MAST2: variants seen among roughly 807,000 people sequenced by gnomAD.
The protein encoded by MAST2 is microtubule-associated serine/threonine-protein kinase 2.
Under a neutral mutation model 147.4 loss-of-function variants are expected in MAST2, and 70 were observed. The observed-to-expected ratio is 0.47, with a 90% CI of 0.39 to 0.58. MAST2 has a LOEUF of 0.58. Among genes scored for constraint, MAST2 ranks in the 20% least tolerant of loss-of-function variants. The pLI, the probability that MAST2 is intolerant of heterozygous loss-of-function variation, is 0.00. For missense variants in MAST2, 2,080 were observed against 2,302.3 expected (o/e 0.90, Z 1.98); for synonymous variants, 869 against 896.8 (o/e 0.97, Z 0.55).
At chr1:45,981,657 G>C (rs11211237) in intron 5 of MAST2, among the ~76,000 whole-genome samples, 51,547 of 151,886 alleles carry the variant, frequency 0.34, 9,131 homozygotes, top group African/African-American at 0.43. Flanking sequence ...AGTTAGTTTT[G>C]GCCTAAGCTC....
At chr1:45,984,780 G>T (rs1441774783) in intron 5 of MAST2, among the ~76,000 whole-genome samples, 1 of 152,074 alleles carries the variant, frequency 6.6e-6, no homozygotes, top group Non-Finnish European at 1.5e-5. Context: ...TTGAGCCCAG[G>T]AGTTCAAGAC....
In MAST2 at chr1:46,031,202, G is replaced by C. The variant is rs1438613831; in HGVS notation, c.2904G>C (p.Gly968=). Residue 968 remains glycine, a synonymous_variant, in exon 23 of 29, where the codon GGG becomes GGC. Transcript: ENST00000361297. The surrounding 1 kb of genome is among the most constrained non-coding windows in gnomAD (Gnocchi z 4.1). The part of the protein sequence containing the change: ...IWVLTPPSGE[G]VSGPVTEHSG... ...TCCTGACACCCCCATCTGGAGAGGG[G>C]GTATCTGGGCCTGTCACTGAACACT... 5 of 1,565,758 alleles carry C rather than the reference G, an allele frequency of 3.2e-6. No individual in the cohort carries two copies. The highest frequency in any genetic ancestry group is 1.8e-5 in the Admixed American group (1 of 54,148).
chr1:46,006,600 GAAA>G, intron 8 of MAST2: 1 of 322,418 alleles, frequency 3.1e-6, no homozygotes, highest in East Asian at 5.1e-5. Flanking sequence ...ATTTACAAAA[GAAA>G]AAAAAAAAGT....
chr1:45,820,318 C>A (rs755234191), intron 1 of MAST2, among the ~76,000 whole-genome samples: 1 of 152,080 alleles, frequency 6.6e-6, no homozygotes, highest in Non-Finnish European at 1.5e-5. Flanking sequence ...CAATAAATAC[C>A]CCACATGCAG....
At chr1:45,806,020 T>C (rs1198508228) in intron 1 of MAST2, among the ~76,000 whole-genome samples, 2 of 152,192 alleles carry the variant, frequency 1.3e-5, no homozygotes. Flanking sequence ...CACCGAAAGC[T>C]TTTTTTGTGT....
intron 1 of MAST2, among the ~76,000 whole-genome samples, chr1:45,823,046 T>C (rs1375591269): frequency 1.3e-5 from 2 of 152,184 alleles, no homozygotes; most frequent in African/African-American, 4.8e-5. Flanking sequence ...ATTGTCTTTT[T>C]CTTCTTTTCA....
chr1:45,876,826 G>T (rs541875082), intron 3 of MAST2, among the ~76,000 whole-genome samples: 1 of 152,178 alleles, frequency 6.6e-6, no homozygotes, highest in Non-Finnish European at 1.5e-5. Flanking sequence ...TTCCACGGAT[G>T]CGCTTCCGTG....
chr1:45,990,579 A>G (rs1173312540), intron 5 of MAST2, among the ~76,000 whole-genome samples: 1 of 152,058 alleles, frequency 6.6e-6, no homozygotes, highest in Non-Finnish European at 1.5e-5. Flanking sequence ...CTACAGCCCA[A>G]GCTCAAATGA....
intron 4 of MAST2, chr1:45,917,521 C>G: frequency 6.6e-6 from 9 of 1,366,522 alleles, no homozygotes; most frequent in Non-Finnish European, 7.8e-6. Flanking sequence ...TCCAGCCGCC[C>G]ACTGCCGTGG....
At position 45,954,171 on chromosome 1, in the gene MAST2, G is replaced by T. The variant is rs1420036151; in HGVS notation, c.501-5215G>T. Among the ~76,000 whole-genome samples the T allele has an allele frequency of 2.0e-5, 3 of 152,144 alleles. No homozygotes were observed. The East Asian group carries it at 5.8e-4, about 29-fold the overall frequency. ...GCTAGACCTCTGAGATTTGGAGACT[G>T]GAGAGACCTAAGGGATCTGCAACCA... On this transcript the variant is annotated intron_variant, in intron 4 of 28. Coordinates refer to ENST00000361297, the MANE Select transcript of MAST2 (RefSeq NM_015112.3).
chr1:46,020,492 T>G (rs1646139723), intron 11 of MAST2, among the ~76,000 whole-genome samples: 1 of 152,148 alleles, frequency 6.6e-6, no homozygotes, highest in African/African-American at 2.4e-5. Context: ...AAAGTTTAGG[T>G]AAGAATGTGA....
At chr1:45,804,184 C>T (rs1410167706) in intron 1 of MAST2, 112 bp downstream of exon 1, 1 of 1,205,942 alleles carries the variant, frequency 8.3e-7, no homozygotes, top group African/African-American at 1.6e-5. Flanking sequence ...CTGAGTAGTT[C>T]GCGGGGAGGA....
At chr1:45,870,339 A>G (rs1297681946) in intron 3 of MAST2, among the ~76,000 whole-genome samples, 1 of 152,144 alleles carries the variant, frequency 6.6e-6, no homozygotes, top group African/African-American at 2.4e-5. Flanking sequence ...GTATAACCAC[A>G]TTCACATTTT....
chr1:45,843,903 T>C (rs932265458), intron 3 of MAST2, among the ~76,000 whole-genome samples: 3 of 152,214 alleles, frequency 2.0e-5, no homozygotes, highest in African/African-American at 7.2e-5. Flanking sequence ...AAGAGCATCC[T>C]TAAGAGAGAA....
intron 5 of MAST2, among the ~76,000 whole-genome samples, chr1:45,975,574 G>C (rs928809684): frequency 8.6e-5 from 13 of 151,060 alleles, no homozygotes; most frequent in African/African-American, 2.7e-4. Flanking sequence ...AGGCTGAGGT[G>C]GGAGGGAGGA....
At chr1:45,813,146 A>T (rs1557794758) in intron 1 of MAST2, among the ~76,000 whole-genome samples, 1 of 152,146 alleles carries the variant, frequency 6.6e-6, no homozygotes, top group Non-Finnish European at 1.5e-5. Context: ...TGTAAATGCT[A>T]TGTAAATAAC....
intron 4 of MAST2, among the ~76,000 whole-genome samples, chr1:45,951,340 TG>T (rs1163906588): frequency 6.6e-6 from 1 of 152,156 alleles, no homozygotes; most frequent in East Asian, 1.9e-4. Flanking sequence ...CCCAGCAGTT[TG>T]GGAGGACAAG....
At chr1:45,971,229 G>C (rs1180468499) in intron 5 of MAST2, among the ~76,000 whole-genome samples, 3 of 152,144 alleles carry the variant, frequency 2.0e-5, no homozygotes, top group African/African-American at 4.8e-5. Flanking sequence ...TTTCTGGTTT[G>C]CCCAGACCAA....
intron 4 of MAST2, among the ~76,000 whole-genome samples, chr1:45,943,837 A>G (rs1328662192): frequency 1.3e-5 from 2 of 152,248 alleles, no homozygotes; most frequent in African/African-American, 4.8e-5. Context: ...GTAGTAACAT[A>G]GGGAAATAAC....
Sources: allele counts gnomAD v4.1 joint callset (sites outside exome capture counted in the v4.1 genomes callset), GRCh38; gene constraint gnomAD v4.1.1; non-coding constraint Gnocchi (gnomAD v3.1); transcripts MANE v1.5; gene names NCBI Gene and HGNC (gene_info 2026-07-23, HGNC 2026-07-21).